Variants in SLCO3A1 observed in about 807,000 individuals in gnomAD.
SLCO3A1 encodes the protein solute carrier organic anion transporter family member 3A1, also known as PGE1 transporter.
A neutral mutation model predicts 63.1 loss-of-function variants in SLCO3A1; 27 were observed. The observed-to-expected ratio is 0.43, with a 90% confidence interval of 0.32 to 0.59. The LOEUF (loss-of-function observed/expected upper bound fraction) is 0.59. SLCO3A1 is among the 20% of genes least tolerant of loss of function. The probability of loss-of-function intolerance (pLI) is 0.09; values close to 1 mark genes in which losing one functional copy is unlikely to be tolerated. For synonymous variants in SLCO3A1, 473 were observed against 409.9 expected, an observed-to-expected ratio of 1.15 and a Z score of -1.86; for missense variants, 773 against 945.8, an observed-to-expected ratio of 0.82 and a Z score of 2.40.
intron 7 of SLCO3A1, among the ~76,000 whole-genome samples, chr15:92,129,225 T>C (rs1257912229): frequency 6.6e-6 from 1 of 152,196 alleles, no homozygotes; most frequent in East Asian, 1.9e-4. Context: ...TCCTTCGTTT[T>C]CTTCAACACT....
intron 1 of SLCO3A1, among the ~76,000 whole-genome samples, chr15:91,871,890 T>C (rs1897291356): frequency 6.6e-6 from 1 of 151,540 alleles, no homozygotes; most frequent in African/African-American, 2.4e-5. Context: ...CTGGGAAATG[T>C]CTAGCAACAT....
At chr15:91,962,884 C>T (rs1900502690) in intron 2 of SLCO3A1, among the ~76,000 whole-genome samples, 1 of 152,198 alleles carries the variant, frequency 6.6e-6, no homozygotes, top group Admixed American at 6.5e-5. Context: ...GCCAGACCAA[C>T]TCAAAATTAC....
At position 91,875,404 on chromosome 15, in the gene SLCO3A1, C is replaced by G. The variant is rs986095131; in HGVS notation, c.180+21316C>G. 5.3e-5 allele frequency among the ~76,000 whole-genome samples: 8 copies of G among 152,206 alleles called. No homozygotes were observed. The highest frequency in any genetic ancestry group is 1.9e-4 in the African/African-American group (8 of 41,458). Reference sequence around the variant, plus strand: ...GCACTGCCTTTCCAGTTTACTCTCTCCACAGGGTAAAAACTGGACTCTGGA... The same window carrying G: ...GCACTGCCTTTCCAGTTTACTCTCTGCACAGGGTAAAAACTGGACTCTGGA... On this transcript the variant is annotated intron_variant, in intron 1 of 9. Coordinates refer to ENST00000318445, the MANE Select transcript of SLCO3A1 (RefSeq NM_013272.4). The surrounding 1 kb of genome is among the most constrained non-coding windows in gnomAD (Gnocchi z 4.5).
At position 92,033,979 on chromosome 15, in the gene SLCO3A1, G is replaced by T. The variant is rs550404449; in HGVS notation, c.647-60902G>T. Among the ~76,000 whole-genome samples the T allele has an allele frequency of 2.0e-5, 3 of 152,154 alleles. No individual in the cohort carries two copies. The highest frequency in any genetic ancestry group is 2.4e-5 in the African/African-American group (1 of 41,514). ...GGAGGGGGAGGAGCAGAATGAATGG[G>T]GGCGCCATGGCAGATCACGTGGAGT... On this transcript the variant is annotated intron_variant, in intron 2 of 9. Coordinates refer to ENST00000318445, the MANE Select transcript of SLCO3A1 (RefSeq NM_013272.4). The surrounding 1 kb of genome is among the most constrained non-coding windows in gnomAD (Gnocchi z 4.5).
intron 2 of SLCO3A1, among the ~76,000 whole-genome samples, chr15:92,049,435 G>C (rs1030655877): frequency 6.6e-6 from 1 of 152,136 alleles, no homozygotes; most frequent in Non-Finnish European, 1.5e-5. Flanking sequence ...GTACCCCCAA[G>C]CTCTTGCAAC....
At chr15:91,965,087 G>T (rs370039588) in intron 2 of SLCO3A1, among the ~76,000 whole-genome samples, 1 of 152,102 alleles carries the variant, frequency 6.6e-6, no homozygotes, top group Non-Finnish European at 1.5e-5. Context: ...AGAGGGGGCT[G>T]TGGGGATACT....
chr15:92,111,860 A>G (rs1440455581), intron 4 of SLCO3A1, among the ~76,000 whole-genome samples: 1 of 152,250 alleles, frequency 6.6e-6, no homozygotes, highest in Non-Finnish European at 1.5e-5. Context: ...AATCAACAGC[A>G]GCAATAACAG....
At chr15:91,930,215 C>T (rs1290739600) in intron 2 of SLCO3A1, among the ~76,000 whole-genome samples, 1 of 152,158 alleles carries the variant, frequency 6.6e-6, no homozygotes, top group Admixed American at 6.5e-5. Flanking sequence ...GTCTGGTCCC[C>T]AGCCTCCTCT....
chr15:92,052,306 A>G (rs564077129), intron 2 of SLCO3A1, among the ~76,000 whole-genome samples: 6 of 152,152 alleles, frequency 3.9e-5, no homozygotes, highest in Non-Finnish European at 8.8e-5. Context: ...TTATCTCAGG[A>G]AAGAGGGTGA....
intron 3 of SLCO3A1, among the ~76,000 whole-genome samples, chr15:92,097,644 C>G (rs2047556069): frequency 6.6e-6 from 1 of 152,200 alleles, no homozygotes; most frequent in Admixed American, 6.5e-5. Context: ...GCTTCCCCAC[C>G]AAGTTGATAG....
intron 3 of SLCO3A1, among the ~76,000 whole-genome samples, chr15:92,097,288 A>G (rs1034987645): frequency 1.3e-5 from 2 of 152,204 alleles, no homozygotes; most frequent in African/African-American, 2.4e-5. Flanking sequence ...ATGTATCTCT[A>G]TAAAACCCCG....
chr15:92,126,024 C>T, intron 5 of SLCO3A1, 37 bp from the exon 6 acceptor site: 1 of 1,588,628 alleles, frequency 6.3e-7, no homozygotes, highest in Non-Finnish European at 8.6e-7. Flanking sequence ...GCCCCACCTT[C>T]CCTGTTCACA....
In SLCO3A1 at chr15:92,106,482, C is replaced by A. The variant is rs185562961; in HGVS notation, c.1009+1940C>A. Among the ~76,000 whole-genome samples the A allele has an allele frequency of 1.7e-4, 26 of 152,070 alleles. 1 individual carries two copies. Among genetic ancestry groups the A allele is most frequent in the African/African-American group, 4.3e-4 (18 of 41,390 alleles). On this transcript the variant is annotated intron_variant, in intron 4 of 9. Coordinates refer to ENST00000318445, the MANE Select transcript of SLCO3A1 (RefSeq NM_013272.4). Reference sequence around the variant, plus strand: ...TAGAAAGTGTCCTGGTAACTAGACCCCTAGGAATAAATTGGGCAGGCATGA... The same window carrying A: ...TAGAAAGTGTCCTGGTAACTAGACCACTAGGAATAAATTGGGCAGGCATGA...
In SLCO3A1 at chr15:91,948,926, G is replaced by T. The variant is rs371503053; in HGVS notation, c.646+32468G>T. On this transcript the variant is annotated intron_variant, in intron 2 of 9. Coordinates refer to ENST00000318445, the MANE Select transcript of SLCO3A1 (RefSeq NM_013272.4). The surrounding 1 kb of genome is among the most constrained non-coding windows in gnomAD (Gnocchi z 4.8). ...CATCCATTTAGGAATCAATACTTTG[G>T]TTTTTTTTTTTTTACTATTATTTCT... Among the ~76,000 whole-genome samples, 5 of 145,654 alleles carry T rather than the reference G, an allele frequency of 3.4e-5. No individual in the cohort carries two copies. The highest frequency in any genetic ancestry group is 5.0e-5 in the African/African-American group (2 of 39,810).
chr15:92,119,030 C>T (rs900022342), intron 4 of SLCO3A1, among the ~76,000 whole-genome samples: 5 of 152,160 alleles, frequency 3.3e-5, no homozygotes, highest in Admixed American at 6.5e-5. Context: ...ACCACGCATT[C>T]GATGTATCAG....
intron 2 of SLCO3A1, among the ~76,000 whole-genome samples, chr15:91,962,771 C>T (rs887211551): frequency 2.0e-5 from 3 of 152,032 alleles, no homozygotes; most frequent in Admixed American, 6.6e-5. Flanking sequence ...TGAGGGTCCT[C>T]GGGCTGCTTA....
chr15:92,142,787 C>T (rs1164228558), intron 7 of SLCO3A1, among the ~76,000 whole-genome samples: 3 of 152,142 alleles, frequency 2.0e-5, no homozygotes, highest in Non-Finnish European at 4.4e-5. Context: ...TATCCCATTC[C>T]ATGAGTGCCA....
intron 2 of SLCO3A1, among the ~76,000 whole-genome samples, chr15:92,057,511 C>T (rs529540516): frequency 5.3e-5 from 8 of 152,302 alleles, no homozygotes; most frequent in African/African-American, 1.9e-4. Flanking sequence ...GACTGATGTG[C>T]CTATCTTCCC....
intron 2 of SLCO3A1, among the ~76,000 whole-genome samples, chr15:91,986,837 A>G (rs189382013): frequency 1.7e-3 from 253 of 152,342 alleles, no homozygotes; most frequent in African/African-American, 5.8e-3. Context: ...GATAGAACAT[A>G]TTTTAAGTTT....
Sources: allele counts gnomAD v4.1 joint callset (sites outside exome capture counted in the v4.1 genomes callset), GRCh38; gene constraint gnomAD v4.1.1; non-coding constraint Gnocchi (gnomAD v3.1); transcripts MANE v1.5; gene names NCBI Gene and HGNC (gene_info 2026-07-23, HGNC 2026-07-21).